Variants in GNAZ observed in about 807,000 individuals in gnomAD.
The protein encoded by GNAZ is G protein subunit alpha z, also known as guanine nucleotide-binding protein G(z) subunit alpha.
GNAZ carries 3 observed loss-of-function variants against 25.4 expected under a neutral mutation model. The ratio of observed to expected loss-of-function variants is 0.12; its 90% CI spans 0.05 to 0.30. GNAZ has a LOEUF of 0.30. GNAZ is among the 10% of genes least tolerant of loss of function. The pLI is 1.00. For synonymous variants in GNAZ, 211 were observed against 205.7 expected (o/e 1.03, Z -0.22); for missense variants, 241 against 501.8 (o/e 0.48, Z 4.97).
chr22:23,076,980 T>C (rs1369222425), intron 1 of GNAZ, among the ~76,000 whole-genome samples: 1 of 152,214 alleles, frequency 6.6e-6, no homozygotes, highest in African/African-American at 2.4e-5. Context: ...GGGTCAAGTG[T>C]ACAGATAGTT....
At chr22:23,100,835 C>G (rs71316787) in intron 2 of GNAZ, among the ~76,000 whole-genome samples, 150,101 of 152,308 alleles carry the variant, frequency 0.99, 73,967 homozygotes, top group East Asian at 1. Flanking sequence ...TATGGGTGCT[C>G]GTCCATAACA....
At chr22:23,115,954 G>A (rs1297056581) in intron 2 of GNAZ, among the ~76,000 whole-genome samples, 1 of 152,236 alleles carries the variant, frequency 6.6e-6, no homozygotes, top group African/African-American at 2.4e-5. Flanking sequence ...AGGCAGTGCG[G>A]TTGGCTGAGG....
intron 2 of GNAZ, among the ~76,000 whole-genome samples, chr22:23,106,927 TC>T (rs1189769976): frequency 6.6e-6 from 1 of 151,710 alleles, no homozygotes. Flanking sequence ...CCCCACCCCC[TC>T]CACACTGCAC....
At chr22:23,100,078 G>A (rs1479589658) in intron 2 of GNAZ, among the ~76,000 whole-genome samples, 1 of 152,250 alleles carries the variant, frequency 6.6e-6, no homozygotes, top group Non-Finnish European at 1.5e-5. Flanking sequence ...TCCCAGCCCT[G>A]TGGCGGGTCT....
At chr22:23,081,921 C>G (rs1166188899) in intron 1 of GNAZ, among the ~76,000 whole-genome samples, 2 of 149,988 alleles carry the variant, frequency 1.3e-5, no homozygotes, top group Admixed American at 6.7e-5. Flanking sequence ...GTCAGGAGAT[C>G]GAGACCATCC....
At chr22:23,105,769 G>A (rs1482379508) in intron 2 of GNAZ, among the ~76,000 whole-genome samples, 1 of 152,218 alleles carries the variant, frequency 6.6e-6, no homozygotes, top group Non-Finnish European at 1.5e-5. Flanking sequence ...GACACTGGCT[G>A]GTGGGGAGCA....
intron 2 of GNAZ, among the ~76,000 whole-genome samples, chr22:23,105,196 T>A (rs2069428462): frequency 6.6e-6 from 1 of 152,176 alleles, no homozygotes. Flanking sequence ...TGGCCTGTGG[T>A]GACCAGGGGA....
chr22:23,112,133 C>T (rs926114822), intron 2 of GNAZ, among the ~76,000 whole-genome samples: 4 of 152,286 alleles, frequency 2.6e-5, no homozygotes, highest in African/African-American at 7.2e-5. Flanking sequence ...GTCTTCACCC[C>T]GCAGCCCAAA....
chr22:23,100,457 G>A (rs1216357151), intron 2 of GNAZ, among the ~76,000 whole-genome samples: 1 of 152,244 alleles, frequency 6.6e-6, no homozygotes, highest in Non-Finnish European at 1.5e-5. Flanking sequence ...GTATCCAGGG[G>A]ACGGGGGACA....
At chr22:23,109,872 C>A (rs1436213998) in intron 2 of GNAZ, among the ~76,000 whole-genome samples, 1 of 152,180 alleles carries the variant, frequency 6.6e-6, no homozygotes, top group Non-Finnish European at 1.5e-5. Flanking sequence ...AGGTACCAGC[C>A]CCCCACCTCT....
At chr22:23,108,510 C>A (rs1424897696) in intron 2 of GNAZ, among the ~76,000 whole-genome samples, 1 of 152,264 alleles carries the variant, frequency 6.6e-6, no homozygotes, top group African/African-American at 2.4e-5. Context: ...GCCTGGATTA[C>A]ACAGCCTGCC....
At chr22:23,122,102 G>T (rs2070047442) in intron 2 of GNAZ, among the ~76,000 whole-genome samples, 1 of 152,176 alleles carries the variant, frequency 6.6e-6, no homozygotes, top group African/African-American at 2.4e-5. Flanking sequence ...TTTGCTCATT[G>T]AGTTTATCTT....
At chr22:23,082,375 C>T (rs1030979596) in intron 1 of GNAZ, among the ~76,000 whole-genome samples, 270 of 131,812 alleles carry the variant, frequency 2.0e-3, no homozygotes, top group African/African-American at 7.2e-3. Context: ...CCACACCTGG[C>T]TATTTTTTTT....
At chr22:23,082,377 ATTT>A (rs34931887) in intron 1 of GNAZ, among the ~76,000 whole-genome samples, 4 of 116,490 alleles carry the variant, frequency 3.4e-5, no homozygotes, top group Admixed American at 1.7e-4. Context: ...ACACCTGGCT[ATTT>A]TTTTTTTTTT....
At chr22:23,093,186 AT>A (rs1569170860) in intron 1 of GNAZ, among the ~76,000 whole-genome samples, 22 of 152,214 alleles carry the variant, frequency 1.4e-4, no homozygotes, top group African/African-American at 5.1e-4. Context: ...CAAGGCTTCC[AT>A]TCTCAGATGT....
intron 2 of GNAZ, among the ~76,000 whole-genome samples, chr22:23,121,730 T>C (rs1226042599): frequency 6.6e-6 from 1 of 150,978 alleles, no homozygotes; most frequent in Non-Finnish European, 1.5e-5. Flanking sequence ...CTTTTTTTTT[T>C]TTTTTTTTTG....
At chr22:23,076,307 G>A (rs978732932) in intron 1 of GNAZ, among the ~76,000 whole-genome samples, 3 of 152,202 alleles carry the variant, frequency 2.0e-5, no homozygotes, top group South Asian at 2.1e-4. Flanking sequence ...GGGACGTTGC[G>A]GAGTCACCAT....
chr22:23,118,458 C>T (rs1321932923), intron 2 of GNAZ, among the ~76,000 whole-genome samples: 4 of 152,158 alleles, frequency 2.6e-5, no homozygotes, highest in Non-Finnish European at 5.9e-5. Context: ...TGTGTTTCTG[C>T]CTCCCTCTTC....
intron 1 of GNAZ, among the ~76,000 whole-genome samples, chr22:23,093,335 A>G (rs2069040233): frequency 6.6e-6 from 1 of 152,074 alleles, no homozygotes; most frequent in Admixed American, 6.5e-5. Flanking sequence ...CAGCCTCTCC[A>G]TTGATTCCTT....
Sources: gnomAD v4.1 joint callset for allele counts (sites outside exome capture counted in the v4.1 genomes callset) on GRCh38, gnomAD v4.1.1 for gene constraint, MANE v1.5 for transcripts, NCBI Gene and HGNC (gene_info 2026-07-23, HGNC 2026-07-21) for gene names.